C4orf50: variants seen among roughly 807,000 people sequenced by gnomAD.
C4orf50 encodes chromosome 4 open reading frame 50.
In C4orf50, 80 loss-of-function variants were observed where a neutral mutation model predicts 77.2. The ratio of observed to expected loss-of-function variants is 1.04; its 90% confidence interval spans 0.87 to 1.25. C4orf50 has a LOEUF of 1.25. Among genes scored for constraint, C4orf50 ranks in the 50% most tolerant of loss-of-function variants. C4orf50 has a pLI of 0.00. For missense variants in C4orf50, 1,257 were observed against 1,152.9 expected (o/e 1.09, Z -1.31); for synonymous variants, 532 against 465.3 (o/e 1.14, Z -1.84).
At position 5,958,662 on chromosome 4, in the gene C4orf50, A is replaced by T. The variant is rs571264260; in HGVS notation, c.*713T>A. ...AACATTGACTTGTCTCTTCTCCTTC[A>T]TGCCACATTGCCTGGCATCCAGTGG... On this transcript the variant is annotated 3_prime_UTR_variant, in exon 34 of 34. Coordinates refer to ENST00000531445, the Ensembl canonical transcript of C4orf50. This position sits in a 1 kb window ranked among gnomAD's most constrained non-coding sequence, Gnocchi z 5.4. The T allele has an allele frequency of 6.6e-6, 1 of 152,312 alleles. No individual in the cohort carries two copies. Among genetic ancestry groups the T allele is most frequent in the Admixed American group, 6.5e-5 (1 of 15,296 alleles). 9.4% of individuals were successfully genotyped at this position (152,312 alleles called of 1,614,324 possible). A position where few individuals can be genotyped will look rare whatever the true frequency, so the allele number is the denominator to read the frequency against.
chr4:5,991,483 T>C (rs992179602), intron 27 of C4orf50, among the ~76,000 whole-genome samples: 2 of 152,182 alleles, frequency 1.3e-5, no homozygotes, highest in Non-Finnish European at 2.9e-5. Flanking sequence ...ACAGGAGGTG[T>C]TTCCTCCATA....
In C4orf50 at chr4:5,907,589, C is replaced by A. The variant is rs145808036; in HGVS notation, c.*2475-9401G>T. On this transcript the variant is annotated intron_variant, in intron 7 of 7. Coordinates refer to the C4orf50 transcript ENST00000324058. The stretch of plus-strand genomic sequence containing the variant: ...ACAGTAGACTAGACACAAATGAAGG[C>A]AGATTTAGTAAATTGAAAGGCAGAT... Among the ~76,000 whole-genome samples, 336 of 152,224 alleles carry A rather than the reference C, an allele frequency of 2.2e-3. 1 individual carries two copies. The highest frequency in any genetic ancestry group is 7.7e-3 in the African/African-American group (318 of 41,522).
At chr4:6,005,359 A>T (rs191817816) in intron 25 of C4orf50, among the ~76,000 whole-genome samples, 3 of 152,318 alleles carry the variant, frequency 2.0e-5, no homozygotes, top group Non-Finnish European at 4.4e-5. Context: ...CATGAGGTGC[A>T]GTTCCCCTGG....
rs1414474689 is a variant in C4orf50, at chr4:6,000,618, C to G, written c.964-6142G>C. Among the ~76,000 whole-genome samples, 1 of 152,134 alleles carries G rather than the reference C, an allele frequency of 6.6e-6. No homozygotes were observed. The highest frequency in any genetic ancestry group is 1.5e-5 in the Non-Finnish European group (1 of 68,036). On this transcript the variant is annotated intron_variant, in intron 25 of 33. Transcript: ENST00000531445. The surrounding 1 kb of genome is among the most constrained non-coding windows in gnomAD (Gnocchi z 6.0). ...GACTCCACAGGGCTCATTTCCTTGCCTTTCCTCTGCCCCTACCTCCTTCAC... is the reference window on the plus strand; with the variant it reads ...GACTCCACAGGGCTCATTTCCTTGCGTTTCCTCTGCCCCTACCTCCTTCAC...
At chr4:5,964,899 C>A in intron 33 of C4orf50, 125 bp downstream of exon 11, 18 of 727,158 alleles carry the variant, frequency 2.5e-5, no homozygotes, top group East Asian at 6.6e-5. Flanking sequence ...CGATTGTGTT[C>A]TATTTCTTGA....
At chr4:5,943,078 T>G (rs1718329822) in intron 7 of C4orf50, among the ~76,000 whole-genome samples, 1 of 152,198 alleles carries the variant, frequency 6.6e-6, no homozygotes, top group Non-Finnish European at 1.5e-5. Flanking sequence ...TGAAAGGATA[T>G]TTGATTATCC....
downstream of C4orf50, among the ~76,000 whole-genome samples, chr4:5,952,598 C>G (rs1218754297): frequency 6.6e-6 from 1 of 152,218 alleles, no homozygotes; most frequent in African/African-American, 2.4e-5. This position sits in a 1 kb window ranked among gnomAD's most constrained non-coding sequence, Gnocchi z 4.4. Flanking sequence ...CCCACCCCTT[C>G]CCTCACCACT....
intron 7 of C4orf50, among the ~76,000 whole-genome samples, chr4:5,948,508 T>G (rs2108754974): frequency 6.6e-6 from 1 of 152,088 alleles, no homozygotes; most frequent in Admixed American, 6.5e-5. Flanking sequence ...CTACTAAAAA[T>G]ACAAAAGGCC....
rs942917385 is a variant in C4orf50 at position 5,916,409 on chromosome 4, C to T, written c.*2475-18221G>A. On this transcript the variant is annotated intron_variant, in intron 7 of 7. Transcript: ENST00000324058. This position sits in a 1 kb window ranked among gnomAD's most constrained non-coding sequence, Gnocchi z 4.4. ...TGCCCACCACAGAGAAGGCTGGGAG[C>T]CAGGACCTGCCCCCAGAGCTCAGAC... 6.6e-6 allele frequency among the ~76,000 whole-genome samples: 1 copy of T among 151,990 alleles called. No homozygotes were observed. The highest frequency in any genetic ancestry group is 1.5e-5 in the Non-Finnish European group (1 of 68,020).
chr4:5,978,145 A>G (rs1358613097), intron 29 of C4orf50, among the ~76,000 whole-genome samples: 1 of 152,262 alleles, frequency 6.6e-6, no homozygotes, highest in East Asian at 1.9e-4. Context: ...TAGGATGTCT[A>G]TGATAGAAAA....
At chr4:5,939,261 G>C (rs1176802056) in intron 7 of C4orf50, among the ~76,000 whole-genome samples, 1 of 152,066 alleles carries the variant, frequency 6.6e-6, no homozygotes, top group Non-Finnish European at 1.5e-5. Context: ...AAGAAAGAAA[G>C]AAAGAAAGAA....
At chr4:5,953,704 A>G (rs7680375), downstream of C4orf50, among the ~76,000 whole-genome samples, 53,262 of 151,976 alleles carry the variant, frequency 0.35, 9,809 homozygotes, top group Admixed American at 0.44. Flanking sequence ...CAAGCTGGAG[A>G]GCCCTGCTGG....
At chr4:5,943,502 C>T (rs1255464810) in intron 7 of C4orf50, among the ~76,000 whole-genome samples, 2 of 152,232 alleles carry the variant, frequency 1.3e-5, no homozygotes, top group East Asian at 1.9e-4. Flanking sequence ...CTCCCCTTCA[C>T]CCCAACTGTG....
chr4:5,922,103 C>T (rs554511153), intron 7 of C4orf50, among the ~76,000 whole-genome samples: 19 of 152,282 alleles, frequency 1.2e-4, no homozygotes, highest in African/African-American at 4.1e-4. Flanking sequence ...AGGGTGGCTG[C>T]CTCAGCTCAG....
rs115537075 is a variant in C4orf50 at position 5,909,216 on chromosome 4, G to A, written c.*2475-11028C>T. Among the ~76,000 whole-genome samples the A allele has an allele frequency of 2.3e-3, 343 of 152,180 alleles. 2 individuals carry two copies. Among genetic ancestry groups the A allele is most frequent in the African/African-American group, 8.0e-3 (331 of 41,496 alleles). Reference sequence around the variant, plus strand: ...TCTCTTGAAATTCAAACCCTTCTACGTCATGCAGGGACCACATGACCTCCT... The same window carrying A: ...TCTCTTGAAATTCAAACCCTTCTACATCATGCAGGGACCACATGACCTCCT... On this transcript the variant is annotated intron_variant, in intron 7 of 7. Transcript: ENST00000324058.
At chr4:5,951,345 G>A (rs1560559296) in intron 7 of C4orf50, among the ~76,000 whole-genome samples, 1 of 150,780 alleles carries the variant, frequency 6.6e-6, no homozygotes, top group Non-Finnish European at 1.5e-5. Flanking sequence ...ATGAAGGGGG[G>A]TGGTGGCACA....
chr4:6,004,267 G>GACT (rs1722094894), intron 25 of C4orf50, among the ~76,000 whole-genome samples: 1 of 67,770 alleles, frequency 1.5e-5, no homozygotes. Flanking sequence ...TGGTGATGGT[G>GACT]GTGATGGTGA....
intron 28 of C4orf50, among the ~76,000 whole-genome samples, chr4:5,982,748 T>C (rs568822569): frequency 9.2e-5 from 14 of 151,698 alleles, no homozygotes; most frequent in African/African-American, 3.4e-4. Context: ...GAGACACACA[T>C]GAGTAGGCTC....
Position 6,005,198 on chromosome 4 carries a change from G to A in C4orf50, c.963+2798C>T, listed in dbSNP as rs536816407. On this transcript the variant is annotated intron_variant, in intron 25 of 33. Transcript: ENST00000531445. ...GCATTCTACACTCCACAGGTTCCTG[G>A]GCTACAACCCTGCTTTCTCAGCTAC... Among the ~76,000 whole-genome samples, 3 of 152,274 alleles carry A rather than the reference G, an allele frequency of 2.0e-5. No homozygotes were observed. In the South Asian group the frequency reaches 6.2e-4, roughly 32 times the overall value.
Sources: allele counts gnomAD v4.1 joint callset (sites outside exome capture counted in the v4.1 genomes callset), GRCh38; gene constraint gnomAD v4.1.1; non-coding constraint Gnocchi (gnomAD v3.1); transcripts MANE v1.5; gene names NCBI Gene and HGNC (gene_info 2026-07-23, HGNC 2026-07-21).